Variants in KCTD5 observed in about 807,000 individuals in gnomAD.
KCTD5 encodes BTB/POZ domain-containing protein KCTD5.
A neutral mutation model predicts 27.9 loss-of-function variants in KCTD5; 12 were observed. That is an observed-to-expected ratio of 0.43 (90% CI 0.28 to 0.70). The LOEUF (loss-of-function observed/expected upper bound fraction) is 0.70. Ranked by LOEUF, KCTD5 falls within the 30% of genes least tolerant of loss-of-function variation. The pLI, the probability that KCTD5 is intolerant of heterozygous loss-of-function variation, is 0.19. For missense variants in KCTD5, 226 were observed against 274.8 expected (o/e 0.82, Z 1.26); for synonymous variants, 147 against 121.4 (o/e 1.21, Z -1.39).
chr16:2,698,480 G>A (rs1390016314), intron 3 of KCTD5, among the ~76,000 whole-genome samples: 1 of 152,196 alleles, frequency 6.6e-6, no homozygotes, highest in Non-Finnish European at 1.5e-5. Flanking sequence ...CAGCTGGCAC[G>A]GCCCTTCTGC....
At chr16:2,690,923 A>G (rs1261482190) in intron 1 of KCTD5, among the ~76,000 whole-genome samples, 1 of 152,220 alleles carries the variant, frequency 6.6e-6, no homozygotes, top group Non-Finnish European at 1.5e-5. Context: ...TTGTTTCTGC[A>G]TCAGGGTGGA....
At position 2,707,363 on chromosome 16, in the gene KCTD5, G is replaced by A. The variant is rs79178474; in HGVS notation, c.*36G>A. The A allele has an allele frequency of 1.5e-3, 2,490 of 1,607,658 alleles. 35 individuals carry two copies. The African/African-American group carries it at 0.026, about 16-fold the overall frequency. ...ATTGACAGCTGAAGAAATGATTTACGTTTTCCCGAGATGTAATGAACTGCC... is the reference window on the plus strand; with the variant it reads ...ATTGACAGCTGAAGAAATGATTTACATTTTCCCGAGATGTAATGAACTGCC... On this transcript the variant is annotated 3_prime_UTR_variant, in exon 6 of 6. Transcript: ENST00000301738.
At chr16:2,700,964 T>C (rs2067609300) in intron 4 of KCTD5, among the ~76,000 whole-genome samples, 1 of 152,080 alleles carries the variant, frequency 6.6e-6, no homozygotes, top group Non-Finnish European at 1.5e-5. Flanking sequence ...TGCCAGAGCC[T>C]CCCACGGGAA....
chr16:2,698,067 G>A (rs1294081584), intron 3 of KCTD5, 70 bp downstream of exon 3: 22 of 1,125,526 alleles, frequency 2.0e-5, no homozygotes, highest in Middle Eastern at 2.0e-4. Flanking sequence ...TTACTCCCCC[G>A]ACCGGCTGCC....
chr16:2,707,542 C>A lies in KCTD5; in HGVS notation c.*215C>A. On this transcript the variant is annotated 3_prime_UTR_variant, in exon 6 of 6. Coordinates refer to ENST00000301738, the MANE Select transcript of KCTD5 (RefSeq NM_018992.4). ...CCCCAAGTTGGGGGAGCACGGCGGC[C>A]GGGTGGGCGCTGCCTCTTGGGGGGG... 1 of 660,498 alleles carries A rather than the reference C, an allele frequency of 1.5e-6. No homozygotes were observed. Among genetic ancestry groups the A allele is most frequent in the Non-Finnish European group, 2.7e-6 (1 of 364,970 alleles). 40.9% of individuals were successfully genotyped at this position (660,498 alleles called of 1,614,324 possible). A position where few individuals can be genotyped will look rare whatever the true frequency, so the allele number is the denominator to read the frequency against.
chr16:2,692,280 C>A (rs2067569950), intron 1 of KCTD5, among the ~76,000 whole-genome samples: 1 of 152,178 alleles, frequency 6.6e-6, no homozygotes, highest in South Asian at 2.1e-4. Context: ...GTTCTGCGTC[C>A]AGGAAGAATG....
chr16:2,702,267 C>T, intron 4 of KCTD5, 86 bp from the exon 5 acceptor site: 1 of 1,544,144 alleles, frequency 6.5e-7, no homozygotes, highest in Non-Finnish European at 8.8e-7. Flanking sequence ...TTCGCGGTGG[C>T]AGGCGCGTCC....
intron 3 of KCTD5, among the ~76,000 whole-genome samples, 177 bp downstream of exon 3, chr16:2,698,174 C>T (rs957197102): frequency 2.6e-5 from 4 of 152,230 alleles, no homozygotes; most frequent in Non-Finnish European, 5.9e-5. Flanking sequence ...CCCGGCTCTC[C>T]CCAGGGTCCC....
chr16:2,696,577 G>C (rs1454391175), intron 2 of KCTD5, among the ~76,000 whole-genome samples: 1 of 152,258 alleles, frequency 6.6e-6, no homozygotes, highest in South Asian at 2.1e-4. Context: ...TGGCCTGCCT[G>C]TGTGCTGCGG....
intron 3 of KCTD5, chr16:2,699,209 C>T: frequency 2.2e-6 from 1 of 456,036 alleles, no homozygotes; most frequent in Middle Eastern, 3.3e-4. Flanking sequence ...GTGGGGCCAC[C>T]CCGCCCACTG....
chr16:2,703,375 G>A (rs1356120861), intron 5 of KCTD5, among the ~76,000 whole-genome samples: 1 of 152,172 alleles, frequency 6.6e-6, no homozygotes, highest in Non-Finnish European at 1.5e-5. Context: ...GGTGGGGCGG[G>A]CTCTGTGGGG....
intron 1 of KCTD5, among the ~76,000 whole-genome samples, chr16:2,690,094 A>G (rs550422437): frequency 6.6e-6 from 1 of 152,390 alleles, no homozygotes; most frequent in African/African-American, 2.4e-5. Flanking sequence ...GGAGAGCTGC[A>G]GCCGGAGTCT....
intron 5 of KCTD5, among the ~76,000 whole-genome samples, chr16:2,705,187 T>C (rs8049286): frequency 0.043 from 6,553 of 152,230 alleles, 441 homozygotes; most frequent in African/African-American, 0.15. Flanking sequence ...TAAGTGTGAA[T>C]GTCATGGTGA....
chr16:2,682,542 T>A lies in KCTD5; in HGVS notation c.-7T>A, dbSNP rs1205760337. ...GGAAGGGAGCTGTTGCGGGGCTTGC[T>A]GGGATCATGGCGGAGAATCACTGCG... On this transcript the variant is annotated 5_prime_UTR_variant, in exon 1 of 6. Transcript: ENST00000301738. 1.4e-6 allele frequency: 2 copies of A among 1,398,958 alleles called. No individual in the cohort carries two copies. The highest frequency in any genetic ancestry group is 2.8e-5 in the East Asian group (1 of 36,360). 86.7% of individuals were successfully genotyped at this position (1,398,958 alleles called of 1,614,324 possible). A position where few individuals can be genotyped will look rare whatever the true frequency, so the allele number is the denominator to read the frequency against.
chr16:2,693,796 A>G (rs1163219661), intron 1 of KCTD5, among the ~76,000 whole-genome samples: 1 of 148,182 alleles, frequency 6.7e-6, no homozygotes, highest in Non-Finnish European at 1.5e-5. Flanking sequence ...GTGCCCTGGC[A>G]CTCATGGCGG....
intron 1 of KCTD5, among the ~76,000 whole-genome samples, chr16:2,691,694 G>T (rs751716551): frequency 6.6e-6 from 1 of 152,214 alleles, no homozygotes; most frequent in South Asian, 2.1e-4. Context: ...CGGCTGGCAG[G>T]TTCTTGGTAG....
At chr16:2,700,803 G>C (rs2067608099) in intron 4 of KCTD5, among the ~76,000 whole-genome samples, 1 of 146,410 alleles carries the variant, frequency 6.8e-6, no homozygotes, top group Admixed American at 6.8e-5. Context: ...GGTACTTGGA[G>C]CCCCCCCCCC....
chr16:2,696,966 A>G (rs2067589007), intron 2 of KCTD5, among the ~76,000 whole-genome samples: 1 of 152,186 alleles, frequency 6.6e-6, no homozygotes, highest in Non-Finnish European at 1.5e-5. Context: ...TTCTGCCCCT[A>G]GTGGGATTGG....
At chr16:2,693,263 T>G (rs2142054635) in intron 1 of KCTD5, among the ~76,000 whole-genome samples, 1 of 152,298 alleles carries the variant, frequency 6.6e-6, no homozygotes, top group African/African-American at 2.4e-5. Flanking sequence ...TCTGTTCGCC[T>G]CCTCCCTGTT....
Sources: allele counts gnomAD v4.1 joint callset (sites outside exome capture counted in the v4.1 genomes callset), GRCh38; gene constraint gnomAD v4.1.1; transcripts MANE v1.5; gene names NCBI Gene and HGNC (gene_info 2026-07-23, HGNC 2026-07-21).